Variants in ANKRD44 observed in about 807,000 individuals in gnomAD.
The protein encoded by ANKRD44 is ankyrin repeat domain 44.
In ANKRD44, 35 loss-of-function variants were observed where a neutral mutation model predicts 116.0. That is an observed-to-expected ratio of 0.30 (90% CI 0.23 to 0.40). The LOEUF (loss-of-function observed/expected upper bound fraction) is 0.40, where lower values mean the gene tolerates loss of function less well. Among genes scored for constraint, ANKRD44 ranks in the 10% least tolerant of loss-of-function variants. ANKRD44 has a pLI of 1.00. For missense variants in ANKRD44, 1,014 were observed against 1,242.6 expected (o/e 0.82, Z 2.77); for synonymous variants, 435 against 461.8 (o/e 0.94, Z 0.74).
intron 16 of ANKRD44, among the ~76,000 whole-genome samples, chr2:197,061,461 G>A (rs2125054263): frequency 6.6e-6 from 1 of 152,274 alleles, no homozygotes; most frequent in Non-Finnish European, 1.5e-5. Flanking sequence ...AACAGCCTTT[G>A]GGGTGTAAAC....
In ANKRD44 at chr2:197,060,565, C is replaced by A. The variant is rs2077289963; in HGVS notation, c.1650+18138G>T. ...CGGTGAGAACACTTTCTACTCTCAG[C>A]AAATTTCAAGAATACAATGCAGTAT... On this transcript the variant is annotated intron_variant, in intron 16 of 27. Transcript: ENST00000282272. Among the ~76,000 whole-genome samples, 3 of 152,186 alleles carry A rather than the reference C, an allele frequency of 2.0e-5. No homozygotes were observed. The South Asian group carries it at 6.2e-4, about 32-fold the overall frequency.
At chr2:197,062,976 C>T (rs983273490) in intron 16 of ANKRD44, among the ~76,000 whole-genome samples, 1 of 152,232 alleles carries the variant, frequency 6.6e-6, no homozygotes, top group African/African-American at 2.4e-5. Flanking sequence ...AGTAGTGGTT[C>T]TCCCAGCACA....
rs544259065 is a variant in ANKRD44, at chr2:197,005,091, G to A, written c.2347+603C>T. Among the ~76,000 whole-genome samples the A allele has an allele frequency of 2.6e-5, 4 of 152,174 alleles. No individual in the cohort carries two copies. The South Asian group carries it at 8.3e-4, about 32-fold the overall frequency. On this transcript the variant is annotated intron_variant, in intron 21 of 27. Transcript: ENST00000282272. ...TTTATATTTTCAAAGGAAAAATTAT[G>A]AAAGATGCACACAAAATTACATTAG... is the stretch of plus-strand genomic sequence containing the variant.
chr2:196,991,613 C>T (rs1001679737), intron 27 of ANKRD44, among the ~76,000 whole-genome samples: 1 of 152,038 alleles, frequency 6.6e-6, no homozygotes, highest in Non-Finnish European at 1.5e-5. Flanking sequence ...GAGTTTCACT[C>T]TGTCACCCAG....
intron 14 of ANKRD44, among the ~76,000 whole-genome samples, chr2:197,082,002 A>T (rs934526550): frequency 6.6e-6 from 1 of 152,132 alleles, no homozygotes; most frequent in African/African-American, 2.4e-5. Flanking sequence ...TTCTATAAAC[A>T]TCCTAAACTT....
intron 1 of ANKRD44, among the ~76,000 whole-genome samples, chr2:197,197,834 AGAAAGAAACACAG>A (rs2080995018): frequency 1.4e-5 from 2 of 147,382 alleles, no homozygotes; most frequent in Non-Finnish European, 1.5e-5. Context: ...AAAAAAAGAA[AGAAAGAAACACAG>A]AAAAAGAAAA....
chr2:197,047,842 G>A (rs564137292), intron 16 of ANKRD44, among the ~76,000 whole-genome samples: 3 of 152,058 alleles, frequency 2.0e-5, no homozygotes, highest in East Asian at 3.9e-4. Flanking sequence ...CTCAGGAGGC[G>A]GAGGTTGCAG....
intron 1 of ANKRD44, among the ~76,000 whole-genome samples, chr2:197,231,489 C>A (rs1475637334): frequency 6.6e-6 from 1 of 152,136 alleles, no homozygotes; most frequent in East Asian, 1.9e-4. Context: ...TCCTACCCTG[C>A]ATATCTTTCC....
intron 1 of ANKRD44, among the ~76,000 whole-genome samples, chr2:197,222,572 A>C (rs1484871122): frequency 2.6e-5 from 4 of 152,052 alleles, no homozygotes; most frequent in South Asian, 2.1e-4. Flanking sequence ...AGTGGGTGTG[A>C]CAGTCACAAA....
At chr2:197,167,579 T>C (rs1465459236) in intron 2 of ANKRD44, among the ~76,000 whole-genome samples, 1 of 152,232 alleles carries the variant, frequency 6.6e-6, no homozygotes, top group African/African-American at 2.4e-5. Context: ...ACTTTGTCAA[T>C]GAAGCCCACC....
At chr2:196,991,912 G>A (rs1328914281) in intron 27 of ANKRD44, among the ~76,000 whole-genome samples, 2 of 152,102 alleles carry the variant, frequency 1.3e-5, no homozygotes, top group African/African-American at 4.8e-5. Flanking sequence ...TTTAAAAATG[G>A]CCACTCACCA....
At chr2:197,073,282 G>T (rs1254240250) in intron 16 of ANKRD44, among the ~76,000 whole-genome samples, 1 of 152,150 alleles carries the variant, frequency 6.6e-6, no homozygotes, top group Non-Finnish European at 1.5e-5. Flanking sequence ...CATCACTGGG[G>T]TGTCTCACCT....
At position 197,089,822 on chromosome 2, in the gene ANKRD44, C is replaced by T. The variant is rs2078002789; in HGVS notation, c.1183+128G>A. The T allele has an allele frequency of 4.3e-6, 3 of 700,440 alleles. No individual in the cohort carries two copies. The East Asian group carries it at 8.5e-5, about 20-fold the overall frequency. 43.4% of individuals were successfully genotyped at this position (700,440 alleles called of 1,614,324 possible). Reference sequence around the variant, plus strand: ...GTCACATGCAGTTAGCTGAGAAATACAACTCATCCTGACGAGTCAGGTAAT... The same window carrying T: ...GTCACATGCAGTTAGCTGAGAAATATAACTCATCCTGACGAGTCAGGTAAT... On this transcript the variant is annotated intron_variant, in intron 11 of 27. Coordinates refer to ENST00000282272, the MANE Select transcript of ANKRD44 (RefSeq NM_001195144.2).
intron 9 of ANKRD44, among the ~76,000 whole-genome samples, chr2:197,105,720 C>A (rs1243624295): frequency 6.6e-6 from 1 of 152,136 alleles, no homozygotes; most frequent in African/African-American, 2.4e-5. Context: ...TAGAAGTGTC[C>A]AATTGAGATC....
intron 1 of ANKRD44, among the ~76,000 whole-genome samples, chr2:197,228,659 G>T (rs1464082747): frequency 6.6e-6 from 1 of 152,160 alleles, no homozygotes; most frequent in Non-Finnish European, 1.5e-5. Context: ...ACTAAATTAG[G>T]GTGGCCGGCA....
At chr2:197,062,083 G>T (rs991510260) in intron 16 of ANKRD44, among the ~76,000 whole-genome samples, 2 of 152,090 alleles carry the variant, frequency 1.3e-5, no homozygotes, top group African/African-American at 4.8e-5. Flanking sequence ...ACCCTCCCAT[G>T]CCTAATATTA....
chr2:197,127,490 A>AT (rs1299885788), intron 4 of ANKRD44, among the ~76,000 whole-genome samples: 1 of 151,646 alleles, frequency 6.6e-6, no homozygotes, highest in Non-Finnish European at 1.5e-5. Context: ...TAGGGAATTA[A>AT]TTTTTTTTTA....
At chr2:197,121,791 A>AT (rs2078860838) in intron 7 of ANKRD44, among the ~76,000 whole-genome samples, 1 of 152,176 alleles carries the variant, frequency 6.6e-6, no homozygotes, top group Admixed American at 6.5e-5. Flanking sequence ...GGGGAGAGGT[A>AT]TTTTTCAGCT....
chr2:197,244,095 T>A (rs1316903687), intron 1 of ANKRD44, among the ~76,000 whole-genome samples: 1 of 152,098 alleles, frequency 6.6e-6, no homozygotes, highest in Non-Finnish European at 1.5e-5. Context: ...AACCAAATAC[T>A]CCTCACAACT....
Sources: gnomAD v4.1 joint callset for allele counts (sites outside exome capture counted in the v4.1 genomes callset) on GRCh38, gnomAD v4.1.1 for gene constraint, MANE v1.5 for transcripts, NCBI Gene and HGNC (gene_info 2026-07-23, HGNC 2026-07-21) for gene names.